CRY1: variants seen among roughly 807,000 people sequenced by gnomAD.
CRY1 encodes cryptochrome-1.
CRY1 carries 45 observed loss-of-function variants against 76.0 expected under a neutral mutation model. That is an observed-to-expected ratio of 0.59 (90% CI 0.47 to 0.76). CRY1 has a LOEUF of 0.76. CRY1 is among the 30% of genes least tolerant of loss of function. The pLI, the probability that CRY1 is intolerant of heterozygous loss-of-function variation, is 0.00. For synonymous variants in CRY1, 248 were observed against 244.0 expected (o/e 1.02, Z -0.15); for missense variants, 587 against 716.4 (o/e 0.82, Z 2.06).
intron 1 of CRY1, among the ~76,000 whole-genome samples, chr12:107,078,910 A>G (rs1410275791): frequency 6.6e-6 from 1 of 151,994 alleles, no homozygotes; most frequent in Non-Finnish European, 1.5e-5. Flanking sequence ...TTCCTCTTAT[A>G]TCTTCCCCTT....
At chr12:107,043,979 C>T (rs1227725359) in intron 1 of CRY1, among the ~76,000 whole-genome samples, 1 of 152,140 alleles carries the variant, frequency 6.6e-6, no homozygotes, top group Non-Finnish European at 1.5e-5. Flanking sequence ...TGTGTTCTGC[C>T]TCCTTCAGGG....
intron 1 of CRY1, among the ~76,000 whole-genome samples, chr12:107,080,470 T>C (rs570710382): frequency 6.6e-6 from 1 of 152,000 alleles, no homozygotes; most frequent in South Asian, 2.1e-4. Flanking sequence ...TAAGATTGCC[T>C]AGAAATATGT....
intron 1 of CRY1, among the ~76,000 whole-genome samples, chr12:107,037,480 C>T (rs933157048): frequency 1.3e-5 from 2 of 151,628 alleles, no homozygotes; most frequent in African/African-American, 4.9e-5. Flanking sequence ...TGCAGTGAGC[C>T]AAGATCACAC....
chr12:107,079,274 T>C (rs1953294413), intron 1 of CRY1, among the ~76,000 whole-genome samples: 1 of 152,152 alleles, frequency 6.6e-6, no homozygotes, highest in African/African-American at 2.4e-5. Flanking sequence ...CATAAGACTT[T>C]TGCTGAGACT....
intron 1 of CRY1, among the ~76,000 whole-genome samples, chr12:107,058,269 T>C (rs1593530060): frequency 6.6e-6 from 1 of 152,082 alleles, no homozygotes; most frequent in Admixed American, 6.5e-5. Flanking sequence ...ACCTGGTAAA[T>C]ACATACACAC....
chr12:106,997,857 T>A, intron 8 of CRY1, 58 bp downstream of exon 8: 1 of 1,585,568 alleles, frequency 6.3e-7, no homozygotes, highest in South Asian at 1.2e-5. Context: ...TGATTAAACA[T>A]GAAAAGCTCT....
Position 107,067,091 on chromosome 12 carries a change from T to C in CRY1, c.158+25713A>G, listed in dbSNP as rs965403168. Among the ~76,000 whole-genome samples, 11 of 152,068 alleles carry C rather than the reference T, an allele frequency of 7.2e-5. No individual in the cohort carries two copies. In the East Asian group the frequency reaches 9.6e-4, roughly 13 times the overall value. Reference sequence around the variant, plus strand: ...TCTCAAAAGGACTCAATAAAACAAATAGGAAATAGTCTACAGAAGTGTTTG... The same window carrying C: ...TCTCAAAAGGACTCAATAAAACAAACAGGAAATAGTCTACAGAAGTGTTTG... On this transcript the variant is annotated intron_variant, in intron 1 of 12. Coordinates refer to ENST00000008527, the MANE Select transcript of CRY1 (RefSeq NM_004075.5).
chr12:107,002,457 T>C (rs1417485762), intron 3 of CRY1, among the ~76,000 whole-genome samples: 3 of 152,222 alleles, frequency 2.0e-5, no homozygotes, highest in Non-Finnish European at 2.9e-5. Flanking sequence ...TACATGTAGA[T>C]AGTAAAATGG....
intron 2 of CRY1, among the ~76,000 whole-genome samples, chr12:107,020,186 C>CAAAAAAAAAAAAA (rs5800723): frequency 7.4e-6 from 1 of 134,810 alleles, no homozygotes; most frequent in Non-Finnish European, 1.6e-5. Flanking sequence ...TTCATACAAG[C>CAAAAAAAAAAAAA]AAAAAAAAAA....
intron 1 of CRY1, among the ~76,000 whole-genome samples, chr12:107,029,952 A>G (rs1166682324): frequency 3.9e-5 from 6 of 152,160 alleles, no homozygotes; most frequent in African/African-American, 1.4e-4. Flanking sequence ...GGCTTAGGCA[A>G]AAATTTCAAG....
intron 5 of CRY1, 27 bp downstream of exon 5, chr12:107,001,253 A>G: frequency 6.6e-7 from 1 of 1,515,722 alleles, no homozygotes; most frequent in Non-Finnish European, 9.0e-7. Flanking sequence ...AAATACAAGC[A>G]TAGCTATATA....
intron 1 of CRY1, among the ~76,000 whole-genome samples, chr12:107,048,420 T>C (rs938935679): frequency 1.1e-4 from 16 of 152,202 alleles, no homozygotes; most frequent in Admixed American, 2.6e-4. Flanking sequence ...TTTCTATTGC[T>C]CTTTATATCT....
At chr12:107,052,487 G>C (rs1379612890) in intron 1 of CRY1, among the ~76,000 whole-genome samples, 1 of 152,140 alleles carries the variant, frequency 6.6e-6, no homozygotes, top group Admixed American at 6.6e-5. Flanking sequence ...AGGAGAGGGA[G>C]TAAAGACAGA....
At chr12:107,052,038 G>A (rs1434676051) in intron 1 of CRY1, among the ~76,000 whole-genome samples, 1 of 152,108 alleles carries the variant, frequency 6.6e-6, no homozygotes, top group East Asian at 1.9e-4. Flanking sequence ...AAATTATTCT[G>A]ATTTTTCTGA....
In CRY1 at chr12:107,093,144, G is replaced by T; in HGVS notation, c.-183C>A. The T allele has an allele frequency of 1.5e-6, 1 of 684,786 alleles. No individual in the cohort carries two copies. Among genetic ancestry groups the T allele is most frequent in the Non-Finnish European group, 2.3e-6 (1 of 434,434 alleles). 42.4% of individuals were successfully genotyped at this position (684,786 alleles called of 1,614,324 possible). ...AGAAGGCGGGGGCGCCGGAGGCGCA[G>T]TGGAAAGATGAATGGAGGTTGCCTA... On this transcript the variant is annotated 5_prime_UTR_variant, in exon 1 of 13. The change creates a new upstream start codon in the 5' untranslated region. Coordinates refer to ENST00000008527, the MANE Select transcript of CRY1 (RefSeq NM_004075.5).
rs539580136 is a variant in CRY1, at chr12:107,074,501, TA to T, written c.158+18302del. On this transcript the variant is annotated intron_variant, in intron 1 of 12. Coordinates refer to ENST00000008527, the MANE Select transcript of CRY1 (RefSeq NM_004075.5). ...AGAGTCAATAGAATTCTCTTTTTTT[TA>T]AATAGCATTTTTTAATCTCTAGGAA... 4.7e-3 allele frequency among the ~76,000 whole-genome samples: 709 copies of T among 152,340 alleles called. 7 individuals are homozygous for T. The highest frequency in any genetic ancestry group is 0.016 in the African/African-American group (669 of 41,580).
intron 2 of CRY1, among the ~76,000 whole-genome samples, chr12:107,013,460 TTTATACATATG>T (rs1352964310): frequency 6.6e-6 from 1 of 152,226 alleles, no homozygotes; most frequent in Non-Finnish European, 1.5e-5. Flanking sequence ...AAAGACAACT[TTTATACATATG>T]CATTGGAAAA....
intron 1 of CRY1, among the ~76,000 whole-genome samples, chr12:107,087,098 T>C (rs1237017127): frequency 6.6e-6 from 1 of 152,140 alleles, no homozygotes; most frequent in African/African-American, 2.4e-5. Flanking sequence ...AAAGTATCCT[T>C]TGGATGTAAA....
intron 1 of CRY1, among the ~76,000 whole-genome samples, chr12:107,033,715 T>C (rs900722249): frequency 1.3e-5 from 2 of 151,892 alleles, no homozygotes; most frequent in African/African-American, 4.8e-5. Context: ...CTAGAACTAG[T>C]AGGTAACATC....
Sources: gnomAD v4.1 joint callset for allele counts (sites outside exome capture counted in the v4.1 genomes callset) on GRCh38, gnomAD v4.1.1 for gene constraint, MANE v1.5 for transcripts, NCBI Gene and HGNC (gene_info 2026-07-23, HGNC 2026-07-21) for gene names.